The following GTF2IRD1 variants were observed in gnomAD, a reference collection of about 807,000 sequenced individuals.
GTF2IRD1 encodes GTF2I repeat domain containing 1.
In GTF2IRD1, 26 loss-of-function variants were observed where a neutral mutation model predicts 113.2. The observed-to-expected ratio is 0.23, with a 90% CI of 0.17 to 0.32. The LOEUF is 0.32. GTF2IRD1 is among the 10% of genes least tolerant of loss of function. GTF2IRD1 has a pLI of 1.00. For synonymous variants in GTF2IRD1, 484 were observed against 529.1 expected, an observed-to-expected ratio of 0.91 and a Z score of 1.17; for missense variants, 864 against 1,280.8, an observed-to-expected ratio of 0.67 and a Z score of 4.97.
chr7:74,512,985 G>A lies in GTF2IRD1; in HGVS notation c.265+14G>A, dbSNP rs1796720668. On this transcript the variant is annotated intron_variant, in intron 3 of 26. Transcript: ENST00000424337. The surrounding 1 kb of genome is among the most constrained non-coding windows in gnomAD (Gnocchi z 4.4). ...TCAGGTTCTGCCGTGAGTACCCCAG[G>A]GCTCCGGAGGGCCGGGCCCGCCATT... 7 of 1,610,626 alleles carry A rather than the reference G, an allele frequency of 4.3e-6. 1 individual carries two copies. Among genetic ancestry groups the A allele is most frequent in the Middle Eastern group, 1.7e-4 (1 of 6,004 alleles).
In GTF2IRD1 at chr7:74,602,563, C is replaced by A; in HGVS notation, c.*130C>A. ...TGATTTTTACACTATATTCCTGCCA[C>A]CAAGGCCTTTTTAAATAAGTAAAAA... On this transcript the variant is annotated 3_prime_UTR_variant, in exon 27 of 27. Coordinates refer to ENST00000424337, the MANE Select transcript of GTF2IRD1 (RefSeq NM_005685.4). 5.4e-6 allele frequency: 3 copies of A among 558,176 alleles called. No individual in the cohort carries two copies. Among genetic ancestry groups the A allele is most frequent in the South Asian group, 7.8e-5 (2 of 25,678 alleles). 34.6% of individuals were successfully genotyped at this position (558,176 alleles called of 1,614,324 possible).
chr7:74,492,005 GTTT>G (rs1235261224), intron 1 of GTF2IRD1, among the ~76,000 whole-genome samples: 1 of 151,840 alleles, frequency 6.6e-6, no homozygotes, highest in African/African-American at 2.4e-5. Flanking sequence ...GTTTGTTTTT[GTTT>G]TTGTTTTTGT....
At chr7:74,469,555 C>T (rs1793961936) in intron 1 of GTF2IRD1, among the ~76,000 whole-genome samples, 1 of 152,104 alleles carries the variant, frequency 6.6e-6, no homozygotes, top group Admixed American at 6.6e-5. Context: ...CTGGCCTTTT[C>T]TCAGTGAGTA....
chr7:74,505,137 G>A (rs1796234801), intron 1 of GTF2IRD1, among the ~76,000 whole-genome samples: 3 of 151,978 alleles, frequency 2.0e-5, no homozygotes, highest in South Asian at 2.1e-4. Context: ...CTCCCGCCTC[G>A]GCCTCCCAAA....
At chr7:74,561,515 AGAGAG>A (rs1332039242) in intron 22 of GTF2IRD1, among the ~76,000 whole-genome samples, 4 of 151,516 alleles carry the variant, frequency 2.6e-5, no homozygotes, top group Non-Finnish European at 4.4e-5. Flanking sequence ...TTTGAGAGGC[AGAGAG>A]GAGGGTGGGT....
intron 1 of GTF2IRD1, among the ~76,000 whole-genome samples, chr7:74,497,576 T>C (rs781964333): frequency 5.9e-5 from 9 of 151,402 alleles, no homozygotes; most frequent in Non-Finnish European, 1.2e-4. Flanking sequence ...TTTTAATTTT[T>C]TGAGGAACCG....
At chr7:74,541,935 G>A (rs1249993926) in intron 14 of GTF2IRD1, among the ~76,000 whole-genome samples, 29 of 131,980 alleles carry the variant, frequency 2.2e-4, no homozygotes, top group Non-Finnish European at 3.3e-4. Context: ...TAGATAGATA[G>A]ATAGATAAAA....
rs587736266 is a variant in GTF2IRD1, at chr7:74,550,095, G to A, written c.1916+2809G>A. Among the ~76,000 whole-genome samples the A allele has an allele frequency of 7.9e-5, 12 of 151,858 alleles. No individual in the cohort carries two copies. The East Asian group carries it at 2.1e-3, about 27-fold the overall frequency. ...CACCTGTAATCCCAGCTACTCAAGA[G>A]GCAAAGAGGAGAATCACTTGAACCC... On this transcript the variant is annotated intron_variant, in intron 17 of 26. Coordinates refer to ENST00000424337, the MANE Select transcript of GTF2IRD1 (RefSeq NM_005685.4).
chr7:74,511,504 G>T (rs1411089065), intron 2 of GTF2IRD1, among the ~76,000 whole-genome samples: 1 of 152,212 alleles, frequency 6.6e-6, no homozygotes, highest in African/African-American at 2.4e-5. Flanking sequence ...GTGTTCCCGC[G>T]CAGAAAGGGA....
chr7:74,482,222 A>ATTT (rs1794780893), intron 1 of GTF2IRD1, among the ~76,000 whole-genome samples: 1 of 138,878 alleles, frequency 7.2e-6, no homozygotes, highest in Admixed American at 7.3e-5. Context: ...GTCTCCTAAA[A>ATTT]CTTTTTTTTT....
At chr7:74,544,608 G>T (rs587696186) in intron 14 of GTF2IRD1, 147 bp from the exon 15 acceptor site, 289 of 670,078 alleles carry the variant, frequency 4.3e-4, no homozygotes, top group Non-Finnish European at 7.1e-4. Flanking sequence ...TATGGAATCG[G>T]GGTCCCTGAT....
At chr7:74,488,970 C>T (rs965403676) in intron 1 of GTF2IRD1, among the ~76,000 whole-genome samples, 2 of 151,654 alleles carry the variant, frequency 1.3e-5, no homozygotes, top group Non-Finnish European at 2.9e-5. Context: ...AACAAAACCC[C>T]GTCTCTACTA....
chr7:74,560,069 C>G (rs1247220366), intron 22 of GTF2IRD1, among the ~76,000 whole-genome samples: 1 of 152,264 alleles, frequency 6.6e-6, no homozygotes. Context: ...GCGTGAGCCA[C>G]TGCGCCCGGC....
chr7:74,483,306 T>G lies in GTF2IRD1; in HGVS notation c.-6-24769T>G, dbSNP rs148295667. On this transcript the variant is annotated intron_variant, in intron 1 of 26. Transcript: ENST00000424337. ...CTGTAATCCCAGCACTTTGGGAGACTGAGGCAGGATTGCTTGAGCCCAAGA... is the reference window on the plus strand; with the variant it reads ...CTGTAATCCCAGCACTTTGGGAGACGGAGGCAGGATTGCTTGAGCCCAAGA... Among the ~76,000 whole-genome samples, 233 of 152,060 alleles carry G rather than the reference T, an allele frequency of 1.5e-3. 2 individuals carry two copies. The highest frequency in any genetic ancestry group is 5.2e-3 in the African/African-American group (215 of 41,456).
intron 1 of GTF2IRD1, among the ~76,000 whole-genome samples, chr7:74,465,335 T>G (rs1403856084): frequency 6.6e-6 from 1 of 152,056 alleles, no homozygotes; most frequent in Non-Finnish European, 1.5e-5. Flanking sequence ...GGAGAGATGC[T>G]CTTGGTGGCC....
At chr7:74,586,689 A>G (rs587610430) in intron 22 of GTF2IRD1, among the ~76,000 whole-genome samples, 1 of 152,212 alleles carries the variant, frequency 6.6e-6, no homozygotes, top group East Asian at 1.9e-4. Context: ...CTTTGGGGCA[A>G]CCCCCACATG....
At chr7:74,542,299 T>A (rs1256302027) in intron 14 of GTF2IRD1, among the ~76,000 whole-genome samples, 1 of 151,510 alleles carries the variant, frequency 6.6e-6, no homozygotes, top group Non-Finnish European at 1.5e-5. Context: ...CTTGGGACAC[T>A]GAGGCAGGAA....
At chr7:74,533,032 C>A (rs1311646766) in intron 9 of GTF2IRD1, among the ~76,000 whole-genome samples, 2 of 152,126 alleles carry the variant, frequency 1.3e-5, no homozygotes, top group Non-Finnish European at 2.9e-5. Context: ...TGCCAGAACT[C>A]CAGTCCTGGA....
At chr7:74,535,834 G>A (rs915349670) in intron 10 of GTF2IRD1, among the ~76,000 whole-genome samples, 2 of 152,216 alleles carry the variant, frequency 1.3e-5, no homozygotes, top group Non-Finnish European at 2.9e-5. Flanking sequence ...CCATGGGGAA[G>A]CCCCGGCCCT....
Sources: allele counts gnomAD v4.1 joint callset (sites outside exome capture counted in the v4.1 genomes callset), GRCh38; gene constraint gnomAD v4.1.1; non-coding constraint Gnocchi (gnomAD v3.1); transcripts MANE v1.5; gene names NCBI Gene and HGNC (gene_info 2026-07-23, HGNC 2026-07-21).